CTPS2: variants seen among roughly 807,000 people sequenced by gnomAD.
The protein encoded by CTPS2 is CTP synthase 2.
A neutral mutation model predicts 46.8 loss-of-function variants in CTPS2; 19 were observed. That is an observed-to-expected ratio of 0.41 (90% CI 0.28 to 0.60). The LOEUF (loss-of-function observed/expected upper bound fraction) is 0.60, where lower values mean the gene tolerates loss of function less well. Among genes scored for constraint, CTPS2 ranks in the 20% least tolerant of loss-of-function variants. CTPS2 has a pLI of 0.35. For missense variants in CTPS2, 286 were observed against 447.6 expected (o/e 0.64, Z 3.26); for synonymous variants, 151 against 165.2 (o/e 0.91, Z 0.66).
At chrX:16,639,831 A>AAGAAAGAAAGAG (rs1555961938) in intron 13 of CTPS2, among the ~76,000 whole-genome samples, 1 of 108,738 alleles carries the variant, frequency 9.2e-6, no homozygotes, top group Non-Finnish European at 1.9e-5. Context: ...GAAAGAAAGA[A>AAGAAAGAAAGAG]GAAAAGAAAA....
At chrX:16,635,795 C>A (rs1157142596) in intron 14 of CTPS2, among the ~76,000 whole-genome samples, 1 of 112,359 alleles carries the variant, frequency 8.9e-6, no homozygotes, top group Non-Finnish European at 1.9e-5. Context: ...TTTTGGAGAC[C>A]TGTGGAAGAC....
intron 11 of CTPS2, among the ~76,000 whole-genome samples, chrX:16,668,770 A>AAAGGAAGGAAGGAAGGAAGGAAGG (rs753753580): frequency 9.5e-5 from 7 of 73,602 alleles, no homozygotes; most frequent in African/African-American, 2.9e-4. Flanking sequence ...GGAAGGAAGG[A>AAAGGAAGGAAGGAAGGAAGGAAGG]AAGGAAGGAA....
At chrX:16,633,554 T>C (rs932400314) in intron 14 of CTPS2, among the ~76,000 whole-genome samples, 3 of 112,108 alleles carry the variant, frequency 2.7e-5, no homozygotes, top group Non-Finnish European at 5.6e-5. Flanking sequence ...CTGTAGCTGT[T>C]TACACACCAC....
chrX:16,649,156 G>A (rs1416933062), intron 13 of CTPS2, among the ~76,000 whole-genome samples: 1 of 112,312 alleles, frequency 8.9e-6, no homozygotes, highest in Non-Finnish European at 1.9e-5. Context: ...ATTTCCAACT[G>A]AACAAGAGTA....
chrX:16,602,026 C>T (rs1195475713), intron 17 of CTPS2, among the ~76,000 whole-genome samples: 1 of 111,533 alleles, frequency 9.0e-6, no homozygotes, highest in Non-Finnish European at 1.9e-5. Flanking sequence ...CAGGAATTGC[C>T]AGCACCTGCT....
intron 7 of CTPS2, 45 bp downstream of exon 7, chrX:16,691,495 G>T: frequency 9.6e-7 from 1 of 1,046,241 alleles, no homozygotes; most frequent in African/African-American, 1.8e-5. Flanking sequence ...ACTGGCATCA[G>T]CAGAAGTGCC....
chrX:16,675,582 T>C (rs989021015), intron 10 of CTPS2, among the ~76,000 whole-genome samples: 17 of 112,454 alleles, frequency 1.5e-4, no homozygotes, highest in Non-Finnish European at 2.8e-4. Flanking sequence ...TTAATAATTA[T>C]CATTGTTATG....
At chrX:16,663,870 T>C (rs377255660) in intron 13 of CTPS2, among the ~76,000 whole-genome samples, 20 of 110,743 alleles carry the variant, frequency 1.8e-4, no homozygotes, top group East Asian at 2.8e-4. Context: ...GAGTCTTGCT[T>C]TGTCACCCAG....
chrX:16,596,220 T>C (rs1929253093), intron 17 of CTPS2, among the ~76,000 whole-genome samples: 2 of 110,162 alleles, frequency 1.8e-5, no homozygotes, highest in African/African-American at 6.6e-5. Flanking sequence ...TTTTAAGTTT[T>C]AGGGTACATG....
chrX:16,593,425 T>C (rs1313451529), intron 17 of CTPS2, among the ~76,000 whole-genome samples: 1 of 88,418 alleles, frequency 1.1e-5, no homozygotes, highest in Non-Finnish European at 2.2e-5. Context: ...CAAGACTCTG[T>C]CTCAAAAAAA....
intron 6 of CTPS2, among the ~76,000 whole-genome samples, chrX:16,692,866 T>A (rs1418678572): frequency 9.1e-6 from 1 of 110,090 alleles, no homozygotes; most frequent in Non-Finnish European, 1.9e-5. Flanking sequence ...AAGACCAGCC[T>A]AGCCAACATG....
intron 16 of CTPS2, among the ~76,000 whole-genome samples, chrX:16,611,912 G>A (rs1226730338): frequency 8.9e-6 from 1 of 112,115 alleles, no homozygotes; most frequent in Non-Finnish European, 1.9e-5. Flanking sequence ...AAGAAATTAA[G>A]CAATGTAGCT....
rs189978215 is a variant in CTPS2 at position 16,609,631 on chromosome X, A to G, written c.1601T>C (p.Met534Thr). The change falls in exon 17 of 19, where the codon ATG becomes ACG. Residue 534 changes from methionine (M) to threonine (T), a missense_variant. Transcript: ENST00000359276. The stretch of plus-strand genomic sequence containing the variant: ...CCCCAGATACGGAGGGGAAGGCTTC[A>G]TCGGCCTAGAAGAAAACTCAGGATG... ...QFHPEFSSRP[M>T]KPSPPYLGLL... The G allele has an allele frequency of 3.3e-6, 4 of 1,209,517 alleles. No homozygotes were observed. Among genetic ancestry groups the G allele is most frequent in the Non-Finnish European group, 4.5e-6 (4 of 894,965 alleles).
intron 13 of CTPS2, chrX:16,654,612 A>G (rs751909194): frequency 1.2e-5 from 5 of 431,899 alleles, no homozygotes; most frequent in Non-Finnish European, 2.0e-5. Context: ...ATTCTTTGCA[A>G]TTATAATAAC....
At chrX:16,695,680 T>C (rs897217370) in intron 4 of CTPS2, among the ~76,000 whole-genome samples, 1 of 109,676 alleles carries the variant, frequency 9.1e-6, no homozygotes, top group Non-Finnish European at 1.9e-5. Context: ...GCCTCCTGAG[T>C]AGCTGGGACT....
In CTPS2 at chrX:16,625,012, C is replaced by G. The variant is rs146657471; in HGVS notation, c.1394-4680G>C. ...AATATATTTTTACCTGTTTAATGGTCCTGCCCATGCCTACCCTCATGTGAG... is the reference window on the plus strand; with the variant it reads ...AATATATTTTTACCTGTTTAATGGTGCTGCCCATGCCTACCCTCATGTGAG... On this transcript the variant is annotated intron_variant, in intron 14 of 18. Coordinates refer to ENST00000359276, the MANE Select transcript of CTPS2 (RefSeq NM_175859.3). Among the ~76,000 whole-genome samples, 21 of 111,799 alleles carry G rather than the reference C, an allele frequency of 1.9e-4. No homozygotes were observed. The East Asian group carries it at 5.9e-3, about 32-fold the overall frequency.
At chrX:16,654,779 G>T in intron 13 of CTPS2, 1 of 148,518 alleles carries the variant, frequency 6.7e-6, no homozygotes, top group Non-Finnish European at 1.3e-5. Context: ...GAGAGAGAGA[G>T]GGAGGCTGAG....
intron 1 of CTPS2, among the ~76,000 whole-genome samples, chrX:16,709,017 G>A (rs754778244): frequency 7.2e-5 from 8 of 110,742 alleles, no homozygotes; most frequent in Admixed American, 2.9e-4. Context: ...GCTGAGGCAG[G>A]AGAATCGCTT....
At chrX:16,609,129 C>T (rs1318504654) in intron 17 of CTPS2, among the ~76,000 whole-genome samples, 1 of 111,280 alleles carries the variant, frequency 9.0e-6, no homozygotes, top group East Asian at 2.8e-4. Context: ...TGCAGCCTAA[C>T]AAAGGATTAA....
Sources: gnomAD v4.1 joint callset for allele counts (sites outside exome capture counted in the v4.1 genomes callset) on GRCh38, gnomAD v4.1.1 for gene constraint, MANE v1.5 for transcripts, NCBI Gene and HGNC (gene_info 2026-07-23, HGNC 2026-07-21) for gene names.